The following PCDH7 variants were observed in gnomAD, a reference collection of about 807,000 sequenced individuals.
PCDH7 encodes the protein protocadherin-7.
A neutral mutation model predicts 58.9 loss-of-function variants in PCDH7; 17 were observed. That is an observed-to-expected ratio of 0.29 (90% CI 0.20 to 0.43). The LOEUF is 0.43. Among genes scored for constraint, PCDH7 ranks in the 20% least tolerant of loss-of-function variants. The pLI, the probability that PCDH7 is intolerant of heterozygous loss-of-function variation, is 1.00. For missense variants in PCDH7, 1,274 were observed against 1,441.0 expected, an observed-to-expected ratio of 0.88 and a Z score of 1.88; for synonymous variants, 664 against 616.4, an observed-to-expected ratio of 1.08 and a Z score of -1.14.
chr4:30,899,030 A>T (rs1215178311), intron 1 of PCDH7, among the ~76,000 whole-genome samples: 2 of 152,160 alleles, frequency 1.3e-5, no homozygotes, highest in African/African-American at 4.8e-5. Flanking sequence ...TATGGAAAAA[A>T]AAAGTAACTG....
At chr4:31,108,780 A>G (rs1053236165) in intron 3 of PCDH7, among the ~76,000 whole-genome samples, 32 of 152,136 alleles carry the variant, frequency 2.1e-4, no homozygotes, top group African/African-American at 6.5e-4. Context: ...TGCATTAGTC[A>G]TATAAGAAGA....
intron 3 of PCDH7, among the ~76,000 whole-genome samples, chr4:31,114,697 G>C (rs1430123020): frequency 6.6e-6 from 1 of 151,700 alleles, no homozygotes; most frequent in Non-Finnish European, 1.5e-5. Context: ...GAGGAAGAGA[G>C]AGGAAGCAAA....
chr4:30,912,404 T>C (rs757106183), intron 1 of PCDH7, among the ~76,000 whole-genome samples: 10 of 152,186 alleles, frequency 6.6e-5, no homozygotes, highest in Non-Finnish European at 1.5e-4. Context: ...AATGCAGCAC[T>C]CCTTATAATA....
chr4:31,128,534 A>G lies in PCDH7; in HGVS notation c.*8-13939A>G, dbSNP rs191191508. On this transcript the variant is annotated intron_variant, in intron 3 of 3. Transcript: ENST00000509759. The stretch of plus-strand genomic sequence containing the variant: ...TGGAATGAGCTGTGCATGAGACAAT[A>G]ATAAATATTATCTCCCAAGTTTATT... Among the ~76,000 whole-genome samples, 13 of 152,266 alleles carry G rather than the reference A, an allele frequency of 8.5e-5. No homozygotes were observed. The East Asian group carries it at 1.9e-3, about 23-fold the overall frequency.
At chr4:31,034,539 A>G (rs1755224334) in intron 3 of PCDH7, among the ~76,000 whole-genome samples, 2 of 152,334 alleles carry the variant, frequency 1.3e-5, no homozygotes, top group African/African-American at 2.4e-5. Context: ...GTAGCCGCTC[A>G]GTACTTTTAC....
At chr4:30,877,359 A>T (rs1736423920) in intron 1 of PCDH7, among the ~76,000 whole-genome samples, 2 of 152,150 alleles carry the variant, frequency 1.3e-5, no homozygotes, top group South Asian at 4.1e-4. Flanking sequence ...AGGAAGTGGT[A>T]AAAGTCTTAT....
At chr4:31,079,580 T>C (rs1393203829) in intron 3 of PCDH7, among the ~76,000 whole-genome samples, 1 of 149,150 alleles carries the variant, frequency 6.7e-6, no homozygotes, top group Non-Finnish European at 1.5e-5. Flanking sequence ...GAAATTTTCA[T>C]ATACTGTTTT....
intron 3 of PCDH7, among the ~76,000 whole-genome samples, chr4:31,048,226 G>A (rs1328651670): frequency 2.0e-5 from 3 of 151,864 alleles, no homozygotes; most frequent in Admixed American, 2.0e-4. Flanking sequence ...AATATCTCAG[G>A]AGTCTTGAAA....
chr4:30,823,666 A>G lies in PCDH7; in HGVS notation c.71-96487A>G, dbSNP rs1255335965. Among the ~76,000 whole-genome samples, 4 of 152,134 alleles carry G rather than the reference A, an allele frequency of 2.6e-5. No individual in the cohort carries two copies. In the East Asian group the frequency reaches 7.7e-4, roughly 29 times the overall value. Reference sequence around the variant, plus strand: ...AGAATATGAGACGCTTCTTGAAATCATATTATGGAAACACCTGGTTACTAT... The same window carrying G: ...AGAATATGAGACGCTTCTTGAAATCGTATTATGGAAACACCTGGTTACTAT... On this transcript the variant is annotated intron_variant, in intron 1 of 3. Transcript: ENST00000509759.
intron 2 of PCDH7, among the ~76,000 whole-genome samples, chr4:30,920,570 C>T (rs1379927730): frequency 6.6e-6 from 1 of 152,114 alleles, no homozygotes; most frequent in Admixed American, 6.5e-5. Context: ...ATTGCACCAT[C>T]ATTTTAAAAC....
intron 1 of PCDH7, among the ~76,000 whole-genome samples, chr4:30,803,916 C>A (rs1402396945): frequency 6.6e-6 from 1 of 152,182 alleles, no homozygotes; most frequent in African/African-American, 2.4e-5. Flanking sequence ...CAAAAAATTA[C>A]TATTTTTAGC....
chr4:31,041,593 T>C (rs1157985797), intron 3 of PCDH7, among the ~76,000 whole-genome samples: 3 of 149,300 alleles, frequency 2.0e-5, no homozygotes, highest in African/African-American at 7.3e-5. Context: ...CCCCCTTGCA[T>C]TGAGCAGTCC....
chr4:31,046,913 T>C (rs1756339994), intron 3 of PCDH7, among the ~76,000 whole-genome samples: 1 of 152,046 alleles, frequency 6.6e-6, no homozygotes, highest in African/African-American at 2.4e-5. Flanking sequence ...TAAGCATTTA[T>C]AAGTGCAAAG....
chr4:30,958,115 G>A (rs1748037261), intron 3 of PCDH7, among the ~76,000 whole-genome samples: 1 of 151,988 alleles, frequency 6.6e-6, no homozygotes, highest in African/African-American at 2.4e-5. Flanking sequence ...TATATACATG[G>A]AAAGAATCAG....
chr4:30,963,529 C>G (rs1270168114), intron 3 of PCDH7, among the ~76,000 whole-genome samples: 1 of 152,012 alleles, frequency 6.6e-6, no homozygotes, highest in Admixed American at 6.6e-5. Flanking sequence ...TGTGCCTGAC[C>G]CTGTGCTAAA....
chr4:30,927,377 C>T (rs909875671), intron 2 of PCDH7, among the ~76,000 whole-genome samples: 3 of 151,820 alleles, frequency 2.0e-5, no homozygotes, highest in South Asian at 2.1e-4. Context: ...TCATTGAGAA[C>T]GGGCCATGAT....
intron 3 of PCDH7, among the ~76,000 whole-genome samples, chr4:31,138,210 A>T (rs1332084850): frequency 2.0e-5 from 3 of 152,156 alleles, no homozygotes; most frequent in African/African-American, 7.2e-5. Flanking sequence ...GCATCTGCCC[A>T]CCACCCATCC....
chr4:31,052,532 G>A (rs1166746092), intron 3 of PCDH7, among the ~76,000 whole-genome samples: 1 of 152,032 alleles, frequency 6.6e-6, no homozygotes, highest in Non-Finnish European at 1.5e-5. Flanking sequence ...TTTTCTTTAA[G>A]GACATAGAGT....
chr4:31,137,734 C>T (rs889773883), intron 3 of PCDH7, among the ~76,000 whole-genome samples: 11 of 152,118 alleles, frequency 7.2e-5, no homozygotes, highest in African/African-American at 1.7e-4. Context: ...GAAGTCCATA[C>T]GTTGACTTAA....
Sources: allele counts gnomAD v4.1 joint callset (sites outside exome capture counted in the v4.1 genomes callset), GRCh38; gene constraint gnomAD v4.1.1; transcripts MANE v1.5; gene names NCBI Gene and HGNC (gene_info 2026-07-23, HGNC 2026-07-21).